Variants in FAM107B observed in about 807,000 individuals in gnomAD.
FAM107B encodes family with sequence similarity 107 member B.
A neutral mutation model predicts 31.5 loss-of-function variants in FAM107B; 21 were observed. The ratio of observed to expected loss-of-function variants is 0.67; its 90% CI spans 0.47 to 0.96. FAM107B has a LOEUF of 0.96. Ranked by LOEUF, FAM107B falls within the 40% of genes least tolerant of loss-of-function variation. The pLI, the probability that FAM107B is intolerant of heterozygous loss-of-function variation, is 0.00. For missense variants in FAM107B, 452 were observed against 377.1 expected, an observed-to-expected ratio of 1.20 and a Z score of -1.64; for synonymous variants, 157 against 141.5, an observed-to-expected ratio of 1.11 and a Z score of -0.78.
chr10:14,662,872 G>A (rs1854283503), intron 2 of FAM107B, among the ~76,000 whole-genome samples: 1 of 152,212 alleles, frequency 6.6e-6, no homozygotes, highest in Admixed American at 6.5e-5. Flanking sequence ...GTGTTGGTGA[G>A]GGGGTTGCCA....
intron 1 of FAM107B, among the ~76,000 whole-genome samples, chr10:14,698,644 C>G (rs17155794): frequency 0.02 from 3,053 of 152,294 alleles, 84 homozygotes; most frequent in African/African-American, 0.069. Flanking sequence ...CAAGGTCCTA[C>G]AGCTGTGACT....
At chr10:14,582,652 C>T (rs1851678565) in intron 2 of FAM107B, among the ~76,000 whole-genome samples, 1 of 150,940 alleles carries the variant, frequency 6.6e-6, no homozygotes, top group Admixed American at 6.6e-5. Flanking sequence ...GCTGGGATTA[C>T]AGGCGTGAGC....
intron 2 of FAM107B, among the ~76,000 whole-genome samples, chr10:14,581,540 AT>A (rs1851636638): frequency 6.6e-6 from 1 of 152,234 alleles, no homozygotes; most frequent in South Asian, 2.1e-4. Context: ...AGCCATCAGG[AT>A]GTTCCCAGCA....
chr10:14,762,294 C>A (rs1166598213), intron 1 of FAM107B, among the ~76,000 whole-genome samples: 1 of 152,142 alleles, frequency 6.6e-6, no homozygotes, highest in African/African-American at 2.4e-5. Flanking sequence ...TCAGTTTTGC[C>A]AACTACACTC....
chr10:14,756,828 C>T (rs1832940113), intron 1 of FAM107B, among the ~76,000 whole-genome samples: 1 of 152,040 alleles, frequency 6.6e-6, no homozygotes, highest in African/African-American at 2.4e-5. Context: ...TACTATGCAG[C>T]CATAAAAAGA....
intron 1 of FAM107B, among the ~76,000 whole-genome samples, chr10:14,695,450 G>A (rs966026261): frequency 1.6e-4 from 25 of 152,182 alleles, no homozygotes; most frequent in African/African-American, 5.8e-4. Flanking sequence ...AGTTCTTTCT[G>A]AAGACAGCTT....
rs529692014 is a variant in FAM107B, at chr10:14,556,326, T to C, written c.470-25811A>G. The C allele has an allele frequency of 2.1e-4, 210 of 984,396 alleles. No individual in the cohort carries two copies. In the African/African-American group the frequency reaches 3.6e-3, roughly 17 times the overall value. 61.0% of individuals were successfully genotyped at this position (984,396 alleles called of 1,614,324 possible). On this transcript the variant is annotated intron_variant, in intron 2 of 4. Coordinates refer to ENST00000181796, the MANE Select transcript of FAM107B (RefSeq NM_031453.4). ...AATTGATAAAGTCATCAATGGTGAC[T>C]CCTCCCAAATGCACAGAAGATCTAG...
chr10:14,528,008 T>A (rs951972990), intron 3 of FAM107B: 1 of 381,526 alleles, frequency 2.6e-6, no homozygotes, highest in Non-Finnish European at 5.0e-6. Context: ...TCTTTTTTTT[T>A]TTTTTAATGT....
intron 2 of FAM107B, among the ~76,000 whole-genome samples, chr10:14,666,669 T>G (rs1445237334): frequency 6.6e-6 from 1 of 152,224 alleles, no homozygotes; most frequent in Non-Finnish European, 1.5e-5. Flanking sequence ...CTGAGCCATC[T>G]GTACAAGGAT....
At chr10:14,630,490 G>C (rs545415219) in intron 2 of FAM107B, among the ~76,000 whole-genome samples, 1 of 151,844 alleles carries the variant, frequency 6.6e-6, no homozygotes, top group Non-Finnish European at 1.5e-5. Context: ...TCAAAACTAT[G>C]TTTTGAAGTT....
chr10:14,676,288 G>A lies in FAM107B; in HGVS notation c.412-8597C>T, dbSNP rs796111018. Among the ~76,000 whole-genome samples, 5 of 152,156 alleles carry A rather than the reference G, an allele frequency of 3.3e-5. No homozygotes were observed. In the South Asian group the frequency reaches 6.2e-4, roughly 19 times the overall value. ...CAATATCCAACACCACCATATTCCA[G>A]TACCAAGAGTCTTCCATACTGTGTT... On this transcript the variant is annotated intron_variant, in intron 1 of 4. Coordinates refer to ENST00000181796, the MANE Select transcript of FAM107B (RefSeq NM_031453.4).
chr10:14,684,316 G>GT (rs200908202), intron 1 of FAM107B, among the ~76,000 whole-genome samples: 1,722 of 152,300 alleles, frequency 0.011, 22 homozygotes, highest in Non-Finnish European at 0.015. Context: ...GCCAGGTGTG[G>GT]TGGTGCACAC....
At chr10:14,529,234 G>A (rs1307799256) in intron 3 of FAM107B, among the ~76,000 whole-genome samples, 2 of 152,114 alleles carry the variant, frequency 1.3e-5, no homozygotes, top group African/African-American at 4.8e-5. Flanking sequence ...CTTCTATTGT[G>A]TGACAAAGGC....
chr10:14,549,668 G>A (rs768388945), intron 2 of FAM107B, among the ~76,000 whole-genome samples: 3 of 152,036 alleles, frequency 2.0e-5, no homozygotes, highest in Admixed American at 6.6e-5. Context: ...GTAGAGTCAC[G>A]AGTAAACAAA....
intron 2 of FAM107B, among the ~76,000 whole-genome samples, chr10:14,582,756 A>G (rs1851684526): frequency 2.0e-5 from 3 of 151,746 alleles, no homozygotes; most frequent in Admixed American, 2.0e-4. Flanking sequence ...TTACTGTATA[A>G]CTCTATGAAG....
chr10:14,679,459 C>A (rs1164147266), intron 1 of FAM107B, among the ~76,000 whole-genome samples: 2 of 152,136 alleles, frequency 1.3e-5, no homozygotes, highest in African/African-American at 4.8e-5. Context: ...ACTTAATGTC[C>A]TAGCAGGATT....
At chr10:14,752,835 G>C (rs1169133248) in intron 1 of FAM107B, among the ~76,000 whole-genome samples, 1 of 151,988 alleles carries the variant, frequency 6.6e-6, no homozygotes, top group Admixed American at 6.6e-5. Context: ...TGGAGGCTGA[G>C]GCCAGAGGAC....
intron 1 of FAM107B, among the ~76,000 whole-genome samples, chr10:14,705,908 C>G (rs2131530523): frequency 6.6e-6 from 1 of 152,246 alleles, no homozygotes; most frequent in South Asian, 2.1e-4. Flanking sequence ...CAGAAGTTAC[C>G]TACAGATCAA....
chr10:14,752,567 A>C (rs540575041), intron 1 of FAM107B, among the ~76,000 whole-genome samples: 1 of 152,192 alleles, frequency 6.6e-6, no homozygotes, highest in Admixed American at 6.5e-5. Flanking sequence ...TGTGGAGTTT[A>C]ATCGCATCGT....
Sources: allele counts gnomAD v4.1 joint callset (sites outside exome capture counted in the v4.1 genomes callset), GRCh38; gene constraint gnomAD v4.1.1; transcripts MANE v1.5; gene names NCBI Gene and HGNC (gene_info 2026-07-23, HGNC 2026-07-21).